Variants in CA4 observed in about 807,000 individuals in gnomAD.
The protein encoded by CA4 is carbonic anhydrase 4, also known as CA-IV.
A neutral mutation model predicts 34.5 loss-of-function variants in CA4; 24 were observed. The observed-to-expected ratio is 0.70, with a 90% CI of 0.50 to 0.98. The LOEUF (loss-of-function observed/expected upper bound fraction) is 0.98, where lower values mean the gene tolerates loss of function less well. CA4 is among the 50% of genes least tolerant of loss of function. The probability of loss-of-function intolerance (pLI) is 0.00; values close to 1 mark genes in which losing one functional copy is unlikely to be tolerated. For missense variants in CA4, 394 were observed against 396.7 expected, an observed-to-expected ratio of 0.99 and a Z score of 0.06; for synonymous variants, 178 against 170.6, an observed-to-expected ratio of 1.04 and a Z score of -0.34.
the CA4 span, among the ~76,000 whole-genome samples, chr17:60,175,970 C>T: frequency 5.3e-5 from 8 of 151,894 alleles, no homozygotes; most frequent in African/African-American, 1.9e-4. Flanking sequence ...GCATGTACCA[C>T]CACGCCCGGC....
downstream of CA4, among the ~76,000 whole-genome samples, chr17:60,164,531 A>G (rs1475797324): frequency 6.6e-6 from 1 of 152,006 alleles, no homozygotes; most frequent in Non-Finnish European, 1.5e-5. Context: ...CTGGTACTAC[A>G]GGCGCATGCC....
chr17:60,160,621 G>T (rs867631003), downstream of CA4, among the ~76,000 whole-genome samples: 2 of 152,110 alleles, frequency 1.3e-5, no homozygotes, highest in African/African-American at 4.8e-5. Context: ...AAAATTAGCT[G>T]GGCATGGTGG....
At chr17:60,165,553 T>C (rs2083846662) in intron 5 of CA4, among the ~76,000 whole-genome samples, 1 of 152,168 alleles carries the variant, frequency 6.6e-6, no homozygotes, top group African/African-American at 2.4e-5. Context: ...TTGATCGGGT[T>C]GGGGACCAAT....
intron 5 of CA4, among the ~76,000 whole-genome samples, chr17:60,169,288 A>G (rs1418705336): frequency 4.6e-5 from 7 of 151,420 alleles, no homozygotes; most frequent in African/African-American, 9.8e-5. Context: ...AGCAGCAGCA[A>G]CAGCAGATTC....
At chr17:60,176,794 G>C in the CA4 span, among the ~76,000 whole-genome samples, 4 of 152,098 alleles carry the variant, frequency 2.6e-5, no homozygotes, top group East Asian at 5.8e-4. Flanking sequence ...ACTGGGGGAT[G>C]GGGGGAGTGG....
chr17:60,161,504 G>A (rs1174152484), downstream of CA4, among the ~76,000 whole-genome samples: 3 of 152,084 alleles, frequency 2.0e-5, no homozygotes, highest in Admixed American at 6.5e-5. Flanking sequence ...GTGCCCACCA[G>A]GAGGGCACTG....
intron 5 of CA4, 110 bp from the exon 6 acceptor site, chr17:60,157,951 G>C: frequency 2.6e-6 from 4 of 1,559,642 alleles, no homozygotes; most frequent in African/African-American, 1.4e-5. Context: ...GGAGCCCAGA[G>C]CCTCAATCCC....
At chr17:60,158,214 C>G in intron 6 of CA4, 69 bp from the exon 7 acceptor site, 1 of 1,607,412 alleles carries the variant, frequency 6.2e-7, no homozygotes, top group East Asian at 2.2e-5. Context: ...GAGCTGGGCT[C>G]TCAGAGTGCA....
intron 5 of CA4, 25 bp downstream of exon 5, chr17:60,157,813 CG>C: frequency 6.3e-7 from 1 of 1,589,260 alleles, no homozygotes. Flanking sequence ...CCCCACTTCC[CG>C]GGGAACCCGG....
downstream of CA4, among the ~76,000 whole-genome samples, chr17:60,161,608 C>T (rs1429858455): frequency 6.6e-6 from 1 of 151,616 alleles, no homozygotes; most frequent in Non-Finnish European, 1.5e-5. Context: ...TCACCCCGAG[C>T]CCCCCATGCC....
Position 60,153,502 on chromosome 17 carries a change from C to G in CA4, c.59-1812C>G, listed in dbSNP as rs140518817. Among the ~76,000 whole-genome samples the G allele has an allele frequency of 3.9e-5, 6 of 152,332 alleles. No individual in the cohort carries two copies. The East Asian group carries it at 1.2e-3, about 29-fold the overall frequency. On this transcript the variant is annotated intron_variant, in intron 1 of 7. Transcript: ENST00000300900. ...ATGTCCTACTCTGTCTATGGAGTAG[C>G]TGTCCTTTCACCACTGTACTTTCTT...
Position 60,166,162 on chromosome 17 carries a change from T to C in CA4, c.*179-4389T>C, listed in dbSNP as rs544714788. Among the ~76,000 whole-genome samples the C allele has an allele frequency of 7.9e-5, 12 of 152,304 alleles. No homozygotes were observed. The East Asian group carries it at 1.9e-3, about 24-fold the overall frequency. ...TGTGATTCTGGTGTTGGGCTTCCTG[T>C]GGGCAGGGCAGCTGGGAGGGCATTG... On this transcript the variant is annotated intron_variant and NMD_transcript_variant, in intron 5 of 5. Transcript: ENST00000586876.
chr17:60,176,004 C>A, the CA4 span, among the ~76,000 whole-genome samples: 1 of 151,896 alleles, frequency 6.6e-6, no homozygotes, highest in African/African-American at 2.4e-5. Flanking sequence ...TTAGTAGAGA[C>A]GGGGTTTCTC....
In CA4 at chr17:60,159,315, G is replaced by C; in HGVS notation, c.830G>C (p.Gly277Ala). The C allele has an allele frequency of 6.2e-7, 1 of 1,609,660 alleles. No homozygotes were observed. Among genetic ancestry groups the C allele is most frequent in the East Asian group, 2.2e-5 (1 of 44,662 alleles). ...AATGTCAGGCCCCTGCAGCAGCTGG[G>C]GCAGCGCACGGTGATAAAGTCCGGG... Reference protein sequence around the residue: ...KDNVRPLQQLGQRTVIKSGAP... With the variant: ...KDNVRPLQQLAQRTVIKSGAP... The change falls in exon 8 of 8, where the codon GGG becomes GCG. Residue 277 changes from glycine to alanine, a missense_variant. Gly to Ala is a moderately conservative substitution (Grantham distance 60). Transcript: ENST00000300900.
At chr17:60,167,290 A>G (rs1252517192) in intron 5 of CA4, among the ~76,000 whole-genome samples, 4 of 151,964 alleles carry the variant, frequency 2.6e-5, no homozygotes, top group Non-Finnish European at 5.9e-5. Flanking sequence ...ATGTGTGCTG[A>G]CCCTAGCCCT....
downstream of CA4, among the ~76,000 whole-genome samples, chr17:60,174,943 G>C (rs1345984331): frequency 6.6e-6 from 1 of 152,176 alleles, no homozygotes; most frequent in Non-Finnish European, 1.5e-5. Context: ...CCTTCAGCCA[G>C]GGAGGCTGGG....
At chr17:60,156,872 G>C in intron 3 of CA4, 157 bp downstream of exon 3, 2 of 719,376 alleles carry the variant, frequency 2.8e-6, no homozygotes, top group Non-Finnish European at 5.0e-6. Flanking sequence ...CAGGAGGAGA[G>C]AGCACTCTAG....
chr17:60,172,673 G>A (rs931346485), downstream of CA4, among the ~76,000 whole-genome samples: 1 of 150,968 alleles, frequency 6.6e-6, no homozygotes, highest in African/African-American at 2.4e-5. Context: ...GTGAAAACCC[G>A]TCTCTACTGA....
At chr17:60,164,243 T>C (rs1426244714), downstream of CA4, among the ~76,000 whole-genome samples, 9 of 146,890 alleles carry the variant, frequency 6.1e-5, no homozygotes, top group Non-Finnish European at 3.1e-5. Context: ...TCTCTTTCTT[T>C]CTTCCTTCCT....
Sources: gnomAD v4.1 joint callset for allele counts (sites outside exome capture counted in the v4.1 genomes callset) on GRCh38, gnomAD v4.1.1 for gene constraint, MANE v1.5 for transcripts, NCBI Gene and HGNC (gene_info 2026-07-23, HGNC 2026-07-21) for gene names.